FOXK2: variants seen among roughly 807,000 people sequenced by gnomAD.
The protein encoded by FOXK2 is forkhead box protein K2.
Under a neutral mutation model 53.3 loss-of-function variants are expected in FOXK2, and 24 were observed. The ratio of observed to expected loss-of-function variants is 0.45; its 90% CI spans 0.33 to 0.63. The LOEUF (loss-of-function observed/expected upper bound fraction) is 0.63, where lower values mean the gene tolerates loss of function less well. Ranked by LOEUF, FOXK2 falls within the 30% of genes least tolerant of loss-of-function variation. The probability of loss-of-function intolerance (pLI) is 0.03; values close to 1 mark genes in which losing one functional copy is unlikely to be tolerated. For synonymous variants in FOXK2, 505 were observed against 407.1 expected (o/e 1.24, Z -2.89); for missense variants, 952 against 910.5 (o/e 1.05, Z -0.59).
At chr17:82,591,092 G>A (rs1318859082) in intron 8 of FOXK2, among the ~76,000 whole-genome samples, 2 of 152,210 alleles carry the variant, frequency 1.3e-5, no homozygotes, top group African/African-American at 4.8e-5. Context: ...GACAGGACGA[G>A]GGGTCAGGAT....
intron 8 of FOXK2, among the ~76,000 whole-genome samples, chr17:82,595,395 G>A (rs1342955354): frequency 1.3e-5 from 2 of 152,230 alleles, no homozygotes; most frequent in East Asian, 3.9e-4. Context: ...TTGAACTCGT[G>A]GGCTCAAGTG....
intron 1 of FOXK2, among the ~76,000 whole-genome samples, chr17:82,540,388 T>C (rs556268925): frequency 9.8e-5 from 15 of 152,354 alleles, no homozygotes; most frequent in Middle Eastern, 3.4e-3. Context: ...CCCTGTCTTA[T>C]GTCCATTCTT....
intron 1 of FOXK2, among the ~76,000 whole-genome samples, chr17:82,546,768 A>G (rs1486297982): frequency 6.6e-6 from 1 of 151,934 alleles, no homozygotes; most frequent in Non-Finnish European, 1.5e-5. Context: ...AGCCCAACCT[A>G]AAACTCGCTT....
chr17:82,543,054 T>C (rs2044589180), intron 1 of FOXK2, among the ~76,000 whole-genome samples: 1 of 152,176 alleles, frequency 6.6e-6, no homozygotes. Flanking sequence ...AAAGGAAAAG[T>C]AGAATAAGTT....
At chr17:82,578,351 A>G (rs2045015237) in intron 4 of FOXK2, 1 of 152,236 alleles carries the variant, frequency 6.6e-6, no homozygotes, top group Non-Finnish European at 1.5e-5. Flanking sequence ...TCAATTTGGA[A>G]AGCCTTTGGG....
At chr17:82,595,818 C>T in intron 8 of FOXK2, 3 of 1,289,712 alleles carry the variant, frequency 2.3e-6, no homozygotes, top group Non-Finnish European at 3.0e-6. Context: ...TGTGCCAGCT[C>T]AGACTGGAGT....
chr17:82,522,368 ATT>A, intron 1 of FOXK2, among the ~76,000 whole-genome samples: 1 of 141,766 alleles, frequency 7.1e-6, no homozygotes, highest in African/African-American at 2.6e-5. Flanking sequence ...GTTTTTTGGA[ATT>A]TTTTTTTTTT....
In FOXK2 at chr17:82,520,075, G is replaced by A. The variant is rs752320380; in HGVS notation, c.187G>A (p.Gly63Ser). 28 of 1,544,294 alleles carry A rather than the reference G, an allele frequency of 1.8e-5. No homozygotes were observed. Among genetic ancestry groups the A allele is most frequent in the East Asian group, 2.6e-5 (1 of 37,852 alleles). ...GACCATCGGCCGCAACTCGTCGCAG[G>A]GCTCGGTGGACGTGAGCATGGGCCA... The part of the protein sequence containing the change: ...SVTIGRNSSQ[G>S]SVDVSMGHSS... Residue 63 changes from glycine to serine, a missense_variant, in exon 1 of 9, where the codon GGC (glycine) becomes AGC (serine). By Grantham distance (56) the Gly-to-Ser change is moderately conservative. Coordinates refer to ENST00000335255, the MANE Select transcript of FOXK2 (RefSeq NM_004514.4).
chr17:82,575,291 T>C (rs991527282), intron 4 of FOXK2, among the ~76,000 whole-genome samples: 18 of 152,134 alleles, frequency 1.2e-4, no homozygotes, highest in Non-Finnish European at 2.4e-4. Context: ...AACTGGTTTA[T>C]ACCGAAGTGA....
chr17:82,520,248 G>A lies in FOXK2; in HGVS notation c.360G>A (p.Gly120=). The change falls in exon 1 of 9, where the codon GGG becomes GGA. Residue 120 remains glycine (G), a synonymous_variant. Transcript: ENST00000335255. ...ACCTGCGCTGCTTGGGCAAGAACGG[G>A]GTATTCGTGGACGGCGTGTTCCAGA... ...DFYLRCLGKN[G]VFVDGVFQRR... 7.7e-7 allele frequency: 1 copy of A among 1,293,078 alleles called. No homozygotes were observed. The highest frequency in any genetic ancestry group is 9.8e-7 in the Non-Finnish European group (1 of 1,017,884). 80.1% of individuals were successfully genotyped at this position (1,293,078 alleles called of 1,614,324 possible).
intron 1 of FOXK2, among the ~76,000 whole-genome samples, chr17:82,530,210 G>T (rs1202394751): frequency 6.6e-6 from 1 of 152,070 alleles, no homozygotes; most frequent in Non-Finnish European, 1.5e-5. Context: ...CCTGAAATAG[G>T]CCGGGCACGT....
intron 8 of FOXK2, among the ~76,000 whole-genome samples, chr17:82,590,823 C>T (rs990231612): frequency 3.9e-5 from 6 of 152,182 alleles, no homozygotes; most frequent in Non-Finnish European, 8.8e-5. Context: ...CTGACCCAAG[C>T]ATGGGGTTAG....
chr17:82,557,466 C>A (rs1353371272), intron 1 of FOXK2, among the ~76,000 whole-genome samples: 1 of 152,190 alleles, frequency 6.6e-6, no homozygotes, highest in African/African-American at 2.4e-5. Flanking sequence ...GCCTCAGCCT[C>A]CCAAGTAGCT....
intron 4 of FOXK2, 58 bp from the exon 5 acceptor site, chr17:82,582,683 A>G (rs1483197596): frequency 7.7e-6 from 11 of 1,431,170 alleles, no homozygotes; most frequent in Non-Finnish European, 1.0e-5. Context: ...ACGAGGACAC[A>G]TTTTTATTTC....
At chr17:82,530,037 G>T (rs563488480) in intron 1 of FOXK2, among the ~76,000 whole-genome samples, 1 of 152,300 alleles carries the variant, frequency 6.6e-6, no homozygotes, top group African/African-American at 2.4e-5. Flanking sequence ...TGTGTTCCTG[G>T]TTCCACTGGA....
chr17:82,573,558 T>TCACACACA (rs1263537053), intron 4 of FOXK2, among the ~76,000 whole-genome samples: 17 of 90,656 alleles, frequency 1.9e-4, no homozygotes, highest in African/African-American at 6.9e-4. Flanking sequence ...TCTCTCTCTC[T>TCACACACA]CTCTCACACA....
Position 82,587,051 on chromosome 17 carries a change from C to A in FOXK2, c.1577-12C>A. On this transcript the variant is annotated splice_polypyrimidine_tract_variant and intron_variant, in intron 7 of 8. Transcript: ENST00000335255. ...AGTAATATTAATGTCGTTTCTTTTC[C>A]TTTAATTTCAGTGAAAGTAGAGCCT... 1.2e-6 allele frequency: 2 copies of A among 1,610,796 alleles called. No homozygotes were observed. Among genetic ancestry groups the A allele is most frequent in the Non-Finnish European group, 8.5e-7 (1 of 1,178,796 alleles).
At chr17:82,598,358 G>A (rs1182341764) in intron 8 of FOXK2, among the ~76,000 whole-genome samples, 1 of 152,132 alleles carries the variant, frequency 6.6e-6, no homozygotes, top group Non-Finnish European at 1.5e-5. Flanking sequence ...GCCTCTCTTG[G>A]GGTTGCAGGC....
chr17:82,528,630 C>T (rs924491634), intron 1 of FOXK2, among the ~76,000 whole-genome samples: 2 of 152,182 alleles, frequency 1.3e-5, no homozygotes, highest in Non-Finnish European at 2.9e-5. Context: ...CAAGGTGTTA[C>T]AGCTGTACCT....
Sources: gnomAD v4.1 joint callset for allele counts (sites outside exome capture counted in the v4.1 genomes callset) on GRCh38, gnomAD v4.1.1 for gene constraint, MANE v1.5 for transcripts, NCBI Gene and HGNC (gene_info 2026-07-23, HGNC 2026-07-21) for gene names.